CCDC172: variants seen among roughly 807,000 people sequenced by gnomAD.
The protein encoded by CCDC172 is coiled-coil domain containing 172, also known as coiled-coil domain-containing protein 172.
In CCDC172, 30 loss-of-function variants were observed where a neutral mutation model predicts 38.0. That is an observed-to-expected ratio of 0.79 (90% CI 0.59 to 1.07). CCDC172 has a LOEUF of 1.07. Ranked by LOEUF, CCDC172 falls within the 50% of genes least tolerant of loss-of-function variation. CCDC172 has a pLI of 0.00. For synonymous variants in CCDC172, 78 were observed against 88.3 expected, an observed-to-expected ratio of 0.88 and a Z score of 0.66; for missense variants, 297 against 290.1, an observed-to-expected ratio of 1.02 and a Z score of -0.17.
intron 7 of CCDC172, among the ~76,000 whole-genome samples, chr10:116,377,026 T>A (rs1845254091): frequency 2.0e-5 from 3 of 151,842 alleles, no homozygotes; most frequent in Admixed American, 1.3e-4. Flanking sequence ...TACAAAAAAA[T>A]TCAGTATGGG....
intron 3 of CCDC172, among the ~76,000 whole-genome samples, chr10:116,335,352 A>G (rs546754816): frequency 6.6e-6 from 1 of 151,752 alleles, no homozygotes; most frequent in Non-Finnish European, 1.5e-5. Flanking sequence ...TATATATTCT[A>G]TACTATTAAT....
intron 3 of CCDC172, among the ~76,000 whole-genome samples, chr10:116,331,093 G>A (rs1270647293): frequency 6.6e-6 from 1 of 152,028 alleles, no homozygotes; most frequent in African/African-American, 2.4e-5. Context: ...AAATCTATAT[G>A]CAACTCCTTT....
At chr10:116,338,878 A>G (rs1038280946) in intron 3 of CCDC172, among the ~76,000 whole-genome samples, 12 of 151,942 alleles carry the variant, frequency 7.9e-5, no homozygotes, top group African/African-American at 2.9e-4. Flanking sequence ...TTTACAACAG[A>G]TCAGTGGTAT....
At chr10:116,359,650 T>TC in intron 7 of CCDC172, among the ~76,000 whole-genome samples, 1 of 152,162 alleles carries the variant, frequency 6.6e-6, no homozygotes, top group South Asian at 2.1e-4. Flanking sequence ...GGTTGCAAAG[T>TC]CCCCCCAAGT....
At chr10:116,354,576 T>C (rs908432631) in intron 5 of CCDC172, among the ~76,000 whole-genome samples, 1 of 151,834 alleles carries the variant, frequency 6.6e-6, no homozygotes, top group Non-Finnish European at 1.5e-5. Flanking sequence ...TACAAAAAAT[T>C]AGCCGGGCAT....
intron 7 of CCDC172, among the ~76,000 whole-genome samples, chr10:116,359,377 C>G (rs1845037451): frequency 6.6e-6 from 1 of 152,160 alleles, no homozygotes; most frequent in African/African-American, 2.4e-5. Context: ...ATATGGAATT[C>G]CATAATAGTT....
intron 5 of CCDC172, among the ~76,000 whole-genome samples, chr10:116,352,367 A>G (rs1261588715): frequency 6.6e-6 from 1 of 152,188 alleles, no homozygotes; most frequent in African/African-American, 2.4e-5. Context: ...GAAGCAGCAA[A>G]TTACAACTCA....
chr10:116,361,184 C>T (rs754349263), intron 7 of CCDC172, among the ~76,000 whole-genome samples: 94 of 151,912 alleles, frequency 6.2e-4, no homozygotes, highest in Non-Finnish European at 9.4e-4. Context: ...ACGGTTTCAC[C>T]ACGTTGGCCA....
intron 5 of CCDC172, among the ~76,000 whole-genome samples, chr10:116,343,185 G>A (rs952738313): frequency 6.6e-6 from 1 of 151,998 alleles, no homozygotes; most frequent in African/African-American, 2.4e-5. Context: ...ATCTAAACTA[G>A]GTTCAATTGC....
intron 5 of CCDC172, among the ~76,000 whole-genome samples, chr10:116,343,855 T>A (rs774449634): frequency 7.9e-5 from 12 of 152,228 alleles, no homozygotes; most frequent in African/African-American, 2.4e-4. Flanking sequence ...CTCTGAGGCA[T>A]CACCTTGGAT....
chr10:116,367,605 G>A (rs1845138000), intron 7 of CCDC172, among the ~76,000 whole-genome samples: 1 of 152,004 alleles, frequency 6.6e-6, no homozygotes, highest in Admixed American at 6.6e-5. Flanking sequence ...CAGGAGAATG[G>A]TGTGAACCCA....
intron 7 of CCDC172, among the ~76,000 whole-genome samples, chr10:116,378,033 T>A (rs1006312735): frequency 6.6e-6 from 1 of 151,932 alleles, no homozygotes; most frequent in Admixed American, 6.6e-5. Flanking sequence ...ACACAAAAAT[T>A]AGCTGAGTGT....
intron 8 of CCDC172, 44 bp downstream of exon 8, chr10:116,378,554 A>AC: frequency 6.7e-7 from 1 of 1,489,270 alleles, no homozygotes; most frequent in Middle Eastern, 1.7e-4. Flanking sequence ...GCATTATTTT[A>AC]CCTACTGGTA....
intron 3 of CCDC172, among the ~76,000 whole-genome samples, chr10:116,330,954 A>G (rs1018264760): frequency 2.6e-5 from 4 of 152,018 alleles, no homozygotes; most frequent in African/African-American, 9.7e-5. Context: ...TGCCCAGGCT[A>G]GTTTTGAACT....
intron 7 of CCDC172, among the ~76,000 whole-genome samples, chr10:116,378,185 A>G (rs958674610): frequency 6.6e-6 from 1 of 152,150 alleles, no homozygotes; most frequent in Non-Finnish European, 1.5e-5. Context: ...CATCTCAAAA[A>G]ACAACAACAA....
In CCDC172 at chr10:116,338,462, A is replaced by T. The variant is rs551236472; in HGVS notation, c.166-2272A>T. On this transcript the variant is annotated intron_variant, in intron 3 of 8. Transcript: ENST00000333254. ...TAAACTAATAATAAAAATAAAAACA[A>T]AGAAGCAGAGAACTTAAAATGGATG... Among the ~76,000 whole-genome samples, 8 of 152,252 alleles carry T rather than the reference A, an allele frequency of 5.3e-5. No homozygotes were observed. The South Asian group carries it at 1.7e-3, about 32-fold the overall frequency.
At chr10:116,332,817 C>A (rs1417488605) in intron 3 of CCDC172, among the ~76,000 whole-genome samples, 1 of 151,736 alleles carries the variant, frequency 6.6e-6, no homozygotes, top group African/African-American at 2.4e-5. Flanking sequence ...TTCAATACAC[C>A]CATTTCTTAT....
At chr10:116,331,523 G>A (rs190262881) in intron 3 of CCDC172, among the ~76,000 whole-genome samples, 1 of 152,238 alleles carries the variant, frequency 6.6e-6, no homozygotes, top group East Asian at 1.9e-4. Flanking sequence ...GTTATTCCCA[G>A]CATCTAGAAC....
intron 1 of CCDC172, 134 bp from the exon 2 acceptor site, chr10:116,324,813 C>T (rs1225531365): frequency 3.4e-6 from 2 of 593,466 alleles, no homozygotes; most frequent in Non-Finnish European, 6.0e-6. Flanking sequence ...GCCAGCGTCC[C>T]TAGACCCTCA....
Sources: gnomAD v4.1 joint callset for allele counts (sites outside exome capture counted in the v4.1 genomes callset) on GRCh38, gnomAD v4.1.1 for gene constraint, MANE v1.5 for transcripts, NCBI Gene and HGNC (gene_info 2026-07-23, HGNC 2026-07-21) for gene names.